Variants in PAPPA2 observed in about 807,000 individuals in gnomAD.
PAPPA2 encodes the protein pappalysin 2.
PAPPA2 carries 86 observed loss-of-function variants against 176.4 expected under a neutral mutation model. That is an observed-to-expected ratio of 0.49 (90% CI 0.41 to 0.58). PAPPA2 has a LOEUF of 0.58. Ranked by LOEUF, PAPPA2 falls within the 20% of genes least tolerant of loss-of-function variation. PAPPA2 has a pLI of 0.00. For synonymous variants in PAPPA2, 809 were observed against 852.2 expected (o/e 0.95, Z 0.88); for missense variants, 2,073 against 2,256.9 (o/e 0.92, Z 1.65).
At chr1:176,477,332 A>G (rs185026724) in intron 1 of PAPPA2, among the ~76,000 whole-genome samples, 1 of 152,194 alleles carries the variant, frequency 6.6e-6, no homozygotes, top group African/African-American at 2.4e-5. Context: ...ACAATAAAAC[A>G]TGCATTTTTT....
chr1:176,498,169 C>T (rs1049118966), intron 1 of PAPPA2, among the ~76,000 whole-genome samples: 1 of 151,784 alleles, frequency 6.6e-6, no homozygotes, highest in Admixed American at 6.6e-5. Flanking sequence ...TTTTTCTTTT[C>T]AGAGTCCGAT....
rs139080916 is a variant in PAPPA2, at chr1:176,666,421, A to G, written c.1992-4549A>G. 6.2e-3 allele frequency among the ~76,000 whole-genome samples: 951 copies of G among 152,212 alleles called. 11 individuals carry two copies. The highest frequency in any genetic ancestry group is 0.021 in the African/African-American group (890 of 41,516). ...TACATGGAAAAAAAGTGAATGGGAG[A>G]TGAAAAAATTATTCCTTTAAGAAGT... On this transcript the variant is annotated intron_variant, in intron 3 of 22. Transcript: ENST00000367662.
intron 17 of PAPPA2, among the ~76,000 whole-genome samples, chr1:176,775,503 A>T (rs181931689): frequency 6.6e-5 from 10 of 152,278 alleles, no homozygotes; most frequent in Admixed American, 2.6e-4. Flanking sequence ...TATTTATTCA[A>T]CAGACATTTA....
chr1:176,777,560 A>C (rs1664516308), intron 17 of PAPPA2, among the ~76,000 whole-genome samples: 1 of 152,156 alleles, frequency 6.6e-6, no homozygotes, highest in South Asian at 2.1e-4. Context: ...TCCAAGATTT[A>C]TCTCCTCATT....
At chr1:176,761,415 C>G (rs144513292) in intron 14 of PAPPA2, among the ~76,000 whole-genome samples, 50 of 152,122 alleles carry the variant, frequency 3.3e-4, no homozygotes, top group African/African-American at 1.0e-3. Flanking sequence ...GGGGAAAGAG[C>G]TGGAAACATA....
At chr1:176,830,239 G>T (rs992392634) in intron 21 of PAPPA2, among the ~76,000 whole-genome samples, 68 of 152,150 alleles carry the variant, frequency 4.5e-4, no homozygotes, top group African/African-American at 1.5e-3. Context: ...CAAACAAATA[G>T]ATGACAGGGG....
intron 3 of PAPPA2, chr1:176,616,499 AC>A (rs779359417): frequency 3.4e-5 from 32 of 929,788 alleles, no homozygotes; most frequent in Non-Finnish European, 5.2e-5. Flanking sequence ...CAATATAACA[AC>A]CAGGTTCTTC....
intron 3 of PAPPA2, among the ~76,000 whole-genome samples, chr1:176,608,214 TA>T (rs1374614257): frequency 8.4e-4 from 128 of 152,356 alleles, no homozygotes; most frequent in African/African-American, 2.9e-3. Flanking sequence ...AAAAATATTT[TA>T]CATCAGCTAC....
intron 2 of PAPPA2, among the ~76,000 whole-genome samples, chr1:176,576,230 A>G (rs1372593637): frequency 1.3e-5 from 2 of 152,170 alleles, no homozygotes; most frequent in Non-Finnish European, 2.9e-5. Context: ...CAGTGTTGCC[A>G]AATCTAGAGA....
intron 1 of PAPPA2, among the ~76,000 whole-genome samples, chr1:176,528,577 T>C (rs1190804392): frequency 6.6e-6 from 1 of 152,228 alleles, no homozygotes; most frequent in African/African-American, 2.4e-5. Flanking sequence ...AAGTAATTTG[T>C]CCATTCAAGT....
intron 1 of PAPPA2, among the ~76,000 whole-genome samples, chr1:176,514,591 T>A (rs1162590726): frequency 6.6e-6 from 1 of 152,246 alleles, no homozygotes; most frequent in Non-Finnish European, 1.5e-5. Context: ...GGGCTTTCAA[T>A]CATTTTGACT....
At chr1:176,775,672 T>C (rs1664426928) in intron 17 of PAPPA2, among the ~76,000 whole-genome samples, 1 of 152,044 alleles carries the variant, frequency 6.6e-6, no homozygotes, top group Admixed American at 6.6e-5. Context: ...CCAAACCAAT[T>C]ACATCAGAAT....
intron 14 of PAPPA2, among the ~76,000 whole-genome samples, chr1:176,750,627 GACAACA>G (rs547536169): frequency 3.2e-4 from 49 of 151,422 alleles, no homozygotes; most frequent in African/African-American, 1.1e-3. Flanking sequence ...AAAACAAAGT[GACAACA>G]ACAACAACAA....
At chr1:176,554,933 T>C (rs535370641) in intron 1 of PAPPA2, among the ~76,000 whole-genome samples, 117 of 152,004 alleles carry the variant, frequency 7.7e-4, no homozygotes, top group African/African-American at 2.7e-3. Flanking sequence ...AAAAGGTTAG[T>C]GTGGGCTTAT....
At chr1:176,651,418 T>G (rs1361493032) in intron 3 of PAPPA2, among the ~76,000 whole-genome samples, 1 of 151,574 alleles carries the variant, frequency 6.6e-6, no homozygotes, top group Non-Finnish European at 1.5e-5. Context: ...AATGGCAGTA[T>G]TTTTCTTTCA....
chr1:176,691,620 C>A (rs1232129533), intron 5 of PAPPA2, among the ~76,000 whole-genome samples: 1 of 152,208 alleles, frequency 6.6e-6, no homozygotes, highest in African/African-American at 2.4e-5. Context: ...CAAAATGTAC[C>A]TGCTAAAGAG....
At chr1:176,724,314 T>A (rs987602626) in intron 12 of PAPPA2, among the ~76,000 whole-genome samples, 2 of 152,198 alleles carry the variant, frequency 1.3e-5, no homozygotes, top group African/African-American at 4.8e-5. Flanking sequence ...ACTCTTGGTG[T>A]CATTGGGGGA....
intron 14 of PAPPA2, among the ~76,000 whole-genome samples, chr1:176,746,402 T>G (rs1352449553): frequency 6.6e-6 from 1 of 152,098 alleles, no homozygotes; most frequent in African/African-American, 2.4e-5. Flanking sequence ...CTGTTTTTCT[T>G]TTTCTTTTTT....
chr1:176,727,129 G>T (rs976331035), intron 12 of PAPPA2, among the ~76,000 whole-genome samples: 1 of 152,092 alleles, frequency 6.6e-6, no homozygotes, highest in East Asian at 1.9e-4. Context: ...AAAATAAATG[G>T]ATTCAAAGAA....
Sources: gnomAD v4.1 joint callset for allele counts (sites outside exome capture counted in the v4.1 genomes callset) on GRCh38, gnomAD v4.1.1 for gene constraint, MANE v1.5 for transcripts, NCBI Gene and HGNC (gene_info 2026-07-23, HGNC 2026-07-21) for gene names.